Variants in ADAMTSL1 observed in about 807,000 individuals in gnomAD.
ADAMTSL1 encodes the protein ADAMTS-like protein 1.
In ADAMTSL1, 126 loss-of-function variants were observed where a neutral mutation model predicts 201.8. That is an observed-to-expected ratio of 0.62 (90% CI 0.54 to 0.72). The LOEUF (loss-of-function observed/expected upper bound fraction) is 0.72, where lower values mean the gene tolerates loss of function less well. Among genes scored for constraint, ADAMTSL1 ranks in the 30% least tolerant of loss-of-function variants. The pLI is 0.00. For missense variants in ADAMTSL1, 2,679 were observed against 2,277.8 expected (o/e 1.18, Z -3.59); for synonymous variants, 1,121 against 903.4 (o/e 1.24, Z -4.32).
chr9:18,810,299 C>T (rs1211534247), intron 20 of ADAMTSL1, among the ~76,000 whole-genome samples: 2 of 152,150 alleles, frequency 1.3e-5, no homozygotes, highest in African/African-American at 4.8e-5. Flanking sequence ...CTTCTCAGAA[C>T]ATTATTCAAG....
Position 18,889,561 on chromosome 9 carries a change from A to G in ADAMTSL1, c.4463-7A>G, listed in dbSNP as rs762517858. ...TCTTTTCTACACTGCTCCTCCTCCC[A>G]TGACAGATTACTGGTGGTCTGTGGA... On this transcript the variant is annotated splice_region_variant and splice_polypyrimidine_tract_variant and intron_variant, in intron 24 of 28. Coordinates refer to ENST00000380548, the MANE Select transcript of ADAMTSL1 (RefSeq NM_001040272.6). The G allele has an allele frequency of 4.3e-6, 7 of 1,613,284 alleles. No individual in the cohort carries two copies. The highest frequency in any genetic ancestry group is 4.2e-6 in the Non-Finnish European group (5 of 1,179,660).
rs1830332912 is a variant in ADAMTSL1 at position 18,906,778 on chromosome 9, G to C, written c.5048G>C (p.Gly1683Ala). The C allele has an allele frequency of 6.2e-7, 1 of 1,614,004 alleles. No individual in the cohort carries two copies. The highest frequency in any genetic ancestry group is 8.5e-7 in the Non-Finnish European group (1 of 1,179,884). ...TGGACCCTGTGCACAGCTACCTGTGGCAACTACGGCTTCCAGTCCCGGCGT... is the reference window on the plus strand; with the variant it reads ...TGGACCCTGTGCACAGCTACCTGTGCCAACTACGGCTTCCAGTCCCGGCGT... ...SLWTLCTATC[G>A]NYGFQSRRVE... Residue 1683 changes from glycine to alanine, a missense_variant, in exon 28 of 29, where the codon GGC (glycine) becomes GCC (alanine). Gly to Ala is a moderately conservative substitution (Grantham distance 60). Transcript: ENST00000380548.
intron 1 of ADAMTSL1, among the ~76,000 whole-genome samples, chr9:17,949,045 G>A (rs1827625565): frequency 6.6e-6 from 1 of 152,114 alleles, no homozygotes; most frequent in Non-Finnish European, 1.5e-5. Flanking sequence ...GGGATATAGT[G>A]GCCATTCCAG....
rs1306974940 is a variant in ADAMTSL1 at position 18,886,221 on chromosome 9, T to C, written c.4250-1610T>C. On this transcript the variant is annotated intron_variant, in intron 23 of 28. Coordinates refer to ENST00000380548, the MANE Select transcript of ADAMTSL1 (RefSeq NM_001040272.6). ...ATATATATATATATATACACACACATACATATACATACATACAAGTATATA... is the reference window on the plus strand; with the variant it reads ...ATATATATATATATATACACACACACACATATACATACATACAAGTATATA... Among the ~76,000 whole-genome samples, 344 of 123,172 alleles carry C rather than the reference T, an allele frequency of 2.8e-3. 6 individuals are homozygous for C. The highest frequency in any genetic ancestry group is 8.6e-3 in the Middle Eastern group (2 of 232). The allele number at this position is 123,172 out of a possible 152,430, so 80.8% of individuals were successfully genotyped here. A position where few individuals can be genotyped will look rare whatever the true frequency, so the allele number is the denominator to read the frequency against.
Position 18,612,596 on chromosome 9 carries a change from C to T in ADAMTSL1, c.475-9647C>T, listed in dbSNP as rs554373167. Among the ~76,000 whole-genome samples the T allele has an allele frequency of 4.1e-4, 63 of 152,220 alleles. 2 individuals carry two copies. Among genetic ancestry groups the T allele is most frequent in the African/African-American group, 1.5e-3 (62 of 41,554 alleles). ...GACTGCACACCTACAACTGTCTGGT[C>T]TTTGACAAAAACAAGCAATGGGGAA... On this transcript the variant is annotated intron_variant, in intron 4 of 28. Transcript: ENST00000380548.
At chr9:18,181,977 T>C (rs1828500676) in intron 2 of ADAMTSL1, among the ~76,000 whole-genome samples, 1 of 152,186 alleles carries the variant, frequency 6.6e-6, no homozygotes, top group East Asian at 1.9e-4. Flanking sequence ...GATGAGTTCA[T>C]GTCCTTTGTA....
intron 8 of ADAMTSL1, among the ~76,000 whole-genome samples, chr9:18,658,928 T>G (rs1202309657): frequency 6.6e-6 from 1 of 152,242 alleles, no homozygotes; most frequent in African/African-American, 2.4e-5. Flanking sequence ...TTTCAGAATT[T>G]TTGTGGCTAT....
At chr9:18,168,344 A>C (rs1452797416) in intron 2 of ADAMTSL1, among the ~76,000 whole-genome samples, 4 of 152,066 alleles carry the variant, frequency 2.6e-5, no homozygotes, top group East Asian at 3.9e-4. Context: ...TCTCATTGCT[A>C]AATTGCCACC....
intron 2 of ADAMTSL1, among the ~76,000 whole-genome samples, chr9:18,197,594 T>A (rs1829237711): frequency 6.8e-6 from 1 of 147,066 alleles, no homozygotes; most frequent in African/African-American, 2.5e-5. Context: ...GACAATGCGG[T>A]TTTCTAGATA....
chr9:18,275,530 A>G (rs1832552078), intron 2 of ADAMTSL1, among the ~76,000 whole-genome samples: 2 of 152,112 alleles, frequency 1.3e-5, no homozygotes, highest in African/African-American at 4.8e-5. Context: ...ATCTCACCTT[A>G]GCCCTAGGCA....
chr9:18,174,647 G>C (rs898950154), intron 2 of ADAMTSL1, among the ~76,000 whole-genome samples: 1 of 152,104 alleles, frequency 6.6e-6, no homozygotes, highest in Admixed American at 6.5e-5. Flanking sequence ...CTATTTCAGA[G>C]TAGGTAGAAA....
intron 28 of ADAMTSL1, 49 bp downstream of exon 28, chr9:18,906,961 G>A (rs756998318): frequency 1.5e-5 from 24 of 1,601,450 alleles, no homozygotes; most frequent in African/African-American, 9.4e-5. Context: ...ATAGAGCATC[G>A]AGTGCAGAGA....
chr9:18,902,573 A>C (rs2131609496), intron 26 of ADAMTSL1, among the ~76,000 whole-genome samples: 1 of 152,348 alleles, frequency 6.6e-6, no homozygotes, highest in Middle Eastern at 3.4e-3. Flanking sequence ...CAAAACCACA[A>C]CATACCAAAA....
At chr9:18,698,355 C>T (rs941561251) in intron 13 of ADAMTSL1, among the ~76,000 whole-genome samples, 1 of 152,092 alleles carries the variant, frequency 6.6e-6, no homozygotes, top group African/African-American at 2.4e-5. Context: ...ATGATCTCGG[C>T]TCACTGCAAC....
intron 10 of ADAMTSL1, among the ~76,000 whole-genome samples, chr9:18,678,488 T>C (rs796274537): frequency 4.5e-4 from 69 of 152,262 alleles, no homozygotes; most frequent in African/African-American, 1.6e-3. Context: ...ATAGTATAAA[T>C]TTTTGAAATA....
intron 3 of ADAMTSL1, among the ~76,000 whole-genome samples, chr9:18,568,057 T>C (rs562986583): frequency 1.3e-5 from 2 of 152,290 alleles, no homozygotes; most frequent in Non-Finnish European, 2.9e-5. Context: ...CTTATTGTAC[T>C]GTGCTCACCT....
intron 2 of ADAMTSL1, among the ~76,000 whole-genome samples, chr9:18,528,741 T>C (rs1218375699): frequency 6.6e-6 from 1 of 152,210 alleles, no homozygotes; most frequent in Admixed American, 6.5e-5. Flanking sequence ...CTTGACCCAG[T>C]TTCTGAGTTC....
chr9:18,084,470 C>T (rs547842657), intron 1 of ADAMTSL1, among the ~76,000 whole-genome samples: 5 of 150,516 alleles, frequency 3.3e-5, no homozygotes, highest in Admixed American at 6.7e-5. Context: ...TGCAGTGAGC[C>T]GAGATGACAC....
chr9:18,154,640 A>G (rs1392486000), intron 1 of ADAMTSL1, among the ~76,000 whole-genome samples: 1 of 152,048 alleles, frequency 6.6e-6, no homozygotes, highest in Non-Finnish European at 1.5e-5. Context: ...ATACATAAAT[A>G]TATTCAGCAG....
Sources: gnomAD v4.1 joint callset for allele counts (sites outside exome capture counted in the v4.1 genomes callset) on GRCh38, gnomAD v4.1.1 for gene constraint, MANE v1.5 for transcripts, NCBI Gene and HGNC (gene_info 2026-07-23, HGNC 2026-07-21) for gene names.